The following TRAK2 variants were observed in gnomAD, a reference collection of about 807,000 sequenced individuals.
TRAK2 encodes the protein trafficking kinesin-binding protein 2.
In TRAK2, 81 loss-of-function variants were observed where a neutral mutation model predicts 104.6. That is an observed-to-expected ratio of 0.77 (90% CI 0.65 to 0.93). TRAK2 has a LOEUF of 0.93. TRAK2 is among the 40% of genes least tolerant of loss of function. The pLI is 0.00. For missense variants in TRAK2, 1,002 were observed against 1,089.0 expected, an observed-to-expected ratio of 0.92 and a Z score of 1.12; for synonymous variants, 406 against 394.4, an observed-to-expected ratio of 1.03 and a Z score of -0.35.
intron 10 of TRAK2, among the ~76,000 whole-genome samples, chr2:201,391,579 C>T (rs1576508573): frequency 2.0e-5 from 3 of 152,024 alleles, no homozygotes; most frequent in Admixed American, 1.3e-4. Flanking sequence ...TAGTATCTGC[C>T]GATTTTCATC....
chr2:201,399,261 AC>A, intron 5 of TRAK2, 115 bp downstream of exon 5: 1 of 642,026 alleles, frequency 1.6e-6, no homozygotes, highest in Non-Finnish European at 2.8e-6. Context: ...AACAAAGTGA[AC>A]AAGTACTGGT....
At position 201,392,890 on chromosome 2, in the gene TRAK2, A is replaced by G. The variant is rs1951460016; in HGVS notation, c.1113+19T>C. The G allele has an allele frequency of 6.2e-7, 1 of 1,603,674 alleles. No individual in the cohort carries two copies. Among genetic ancestry groups the G allele is most frequent in the African/African-American group, 1.3e-5 (1 of 74,244 alleles). ...AAACAAATTTCTTTAAATACATAGC[A>G]TCTTTCTTAGTTGCTTACCCCAGTA... On this transcript the variant is annotated intron_variant, in intron 10 of 15. Coordinates refer to ENST00000332624, the MANE Select transcript of TRAK2 (RefSeq NM_015049.3).
chr2:201,417,241 C>CAAAAAAAAAAAAAAAAA (rs61702415), intron 2 of TRAK2, among the ~76,000 whole-genome samples: 18 of 88,410 alleles, frequency 2.0e-4, no homozygotes, highest in Non-Finnish European at 3.0e-4. Flanking sequence ...GAAGACATTG[C>CAAAAAAAAAAAAAAAAA]AAAAAAAAAA....
chr2:201,410,548 C>G lies in TRAK2; in HGVS notation c.92-2951G>C, dbSNP rs1951636568. 13 of 1,153,902 alleles carry G rather than the reference C, an allele frequency of 1.1e-5. No individual in the cohort carries two copies. The East Asian group carries it at 3.0e-4, about 27-fold the overall frequency. 71.5% of individuals were successfully genotyped at this position (1,153,902 alleles called of 1,614,324 possible). On this transcript the variant is annotated intron_variant, in intron 2 of 15. Transcript: ENST00000332624. ...TAATCCTTCAAAATAGACACCTCAC[C>G]CAAAAAGATCTTTAAAATCATTGCT...
rs763646819 is a variant in TRAK2, at chr2:201,381,130, T to C, written c.2158A>G (p.Ser720Gly). ...CGGTTGGTGATGGACTCACCAATGCTGAGTCTATAGGACAAGGCAGGAGAA... is the reference window on the plus strand; with the variant it reads ...CGGTTGGTGATGGACTCACCAATGCCGAGTCTATAGGACAAGGCAGGAGAA... ...VNSPALSYRL[S>G]IGESITNRRD... The change falls in exon 16 of 16, where the codon AGC becomes GGC. Residue 720 changes from serine to glycine, a missense_variant. Physicochemically the swap from Ser to Gly is moderately conservative, Grantham distance 56. Transcript: ENST00000332624. 1 of 1,613,920 alleles carries C rather than the reference T, an allele frequency of 6.2e-7. No individual in the cohort carries two copies. The highest frequency in any genetic ancestry group is 8.5e-7 in the Non-Finnish European group (1 of 1,179,956).
At chr2:201,386,689 A>G (rs1447095309) in intron 13 of TRAK2, among the ~76,000 whole-genome samples, 1 of 152,200 alleles carries the variant, frequency 6.6e-6, no homozygotes, top group Non-Finnish European at 1.5e-5. Flanking sequence ...AATCTGTTTT[A>G]ATAGTTAAGG....
intron 10 of TRAK2, among the ~76,000 whole-genome samples, chr2:201,390,165 G>A (rs908874802): frequency 2.6e-5 from 4 of 152,178 alleles, no homozygotes; most frequent in African/African-American, 9.7e-5. Context: ...ACCCAGTGTT[G>A]ACAGTGATGC....
chr2:201,410,114 G>GGT (rs1951631628), intron 2 of TRAK2, among the ~76,000 whole-genome samples: 2 of 152,128 alleles, frequency 1.3e-5, no homozygotes, highest in South Asian at 4.1e-4. Flanking sequence ...TGGCTAACAC[G>GGT]GTGAAACCCT....
At chr2:201,383,994 T>G in intron 15 of TRAK2, 117 bp downstream of exon 15, 1 of 717,048 alleles carries the variant, frequency 1.4e-6, no homozygotes, top group Non-Finnish European at 2.4e-6. Context: ...AAAGACACAT[T>G]ATCACAGAAC....
intron 12 of TRAK2, among the ~76,000 whole-genome samples, chr2:201,388,451 A>T (rs1390239577): frequency 3.3e-5 from 5 of 152,232 alleles, no homozygotes; most frequent in African/African-American, 1.2e-4. Context: ...ATAATAATTT[A>T]AAAAATATTA....
intron 14 of TRAK2, among the ~76,000 whole-genome samples, chr2:201,384,491 C>G (rs1181896000): frequency 1.3e-5 from 2 of 151,938 alleles, no homozygotes; most frequent in East Asian, 3.9e-4. Flanking sequence ...AAATCAAGAT[C>G]TAGTATCCAA....
chr2:201,389,580 C>G (rs1951426127), intron 11 of TRAK2, 77 bp from the exon 12 acceptor site: 4 of 1,424,330 alleles, frequency 2.8e-6, no homozygotes, highest in Non-Finnish European at 3.9e-6. Context: ...ATGTGCAGTC[C>G]ATCAGAAATA....
chr2:201,449,150 A>C (rs1951989311), intron 1 of TRAK2, among the ~76,000 whole-genome samples: 1 of 152,198 alleles, frequency 6.6e-6, no homozygotes, highest in Non-Finnish European at 1.5e-5. Context: ...AGGCAGAGAG[A>C]ATCAGTTTGT....
At chr2:201,440,357 A>G (rs540938855) in intron 1 of TRAK2, among the ~76,000 whole-genome samples, 1 of 152,278 alleles carries the variant, frequency 6.6e-6, no homozygotes, top group African/African-American at 2.4e-5. Context: ...TAAGCAGGTT[A>G]TCAGAACACC....
Position 201,387,972 on chromosome 2 carries a change from G to T in TRAK2, c.1427C>A (p.Pro476His). 1 of 1,614,072 alleles carries T rather than the reference G, an allele frequency of 6.2e-7. No homozygotes were observed. The highest frequency in any genetic ancestry group is 1.1e-5 in the South Asian group (1 of 91,078). Residue 476 changes from proline to histidine, a missense_variant, in exon 13 of 16, where the codon CCC (proline) becomes CAC (histidine). Transcript: ENST00000332624. ...GSSQKMGQPG[P>H]SGDSDLATAL... ...TGTAGCCAAATCACTATCTCCTGAG[G>T]GTCCTGGTTGGCCCATCTTCTGGGA...
intron 1 of TRAK2, among the ~76,000 whole-genome samples, chr2:201,429,560 TC>T (rs1951822787): frequency 6.6e-6 from 1 of 152,212 alleles, no homozygotes; most frequent in South Asian, 2.1e-4. Flanking sequence ...TTTGTTCATT[TC>T]TTTTTACTCT....
intron 1 of TRAK2, among the ~76,000 whole-genome samples, chr2:201,427,899 G>A (rs1200812994): frequency 6.6e-6 from 1 of 151,772 alleles, no homozygotes; most frequent in African/African-American, 2.4e-5. Flanking sequence ...ATTGTGGTTT[G>A]CATTTCTCTG....
In TRAK2 at chr2:201,420,501, G is replaced by A; in HGVS notation, c.7C>T (p.Gln3Ter). MS[Q>*]SQNAIFTSPT... is the part of the protein sequence containing the mutation. Reference sequence around the variant, plus strand: ...GATGTAAAAATTGCATTCTGGGATTGACTCATGCAGGATCCTTTCTTGCTT... The same window carrying A: ...GATGTAAAAATTGCATTCTGGGATTAACTCATGCAGGATCCTTTCTTGCTT... The change falls in exon 2 of 16, where the codon CAA becomes TAA. Residue 3 changes from glutamine to a stop codon, truncating the protein, a stop_gained. Coordinates refer to ENST00000332624, the MANE Select transcript of TRAK2 (RefSeq NM_015049.3). LOFTEE classifies it high-confidence loss of function. The A allele has an allele frequency of 6.2e-7, 1 of 1,613,758 alleles. No homozygotes were observed. The highest frequency in any genetic ancestry group is 1.3e-5 in the African/African-American group (1 of 75,040).
At chr2:201,385,809 T>A (rs1182006802) in intron 14 of TRAK2, among the ~76,000 whole-genome samples, 4 of 152,230 alleles carry the variant, frequency 2.6e-5, no homozygotes, top group Non-Finnish European at 5.9e-5. Flanking sequence ...ATTAGCTATT[T>A]TTCATTAAAC....
Sources: allele counts gnomAD v4.1 joint callset (sites outside exome capture counted in the v4.1 genomes callset), GRCh38; gene constraint gnomAD v4.1.1; transcripts MANE v1.5; gene names NCBI Gene and HGNC (gene_info 2026-07-23, HGNC 2026-07-21).